FAM228B: variants seen among roughly 807,000 people sequenced by gnomAD.
FAM228B encodes the protein family with sequence similarity 228 member B.
In FAM228B, 38 loss-of-function variants were observed where a neutral mutation model predicts 42.6. The observed-to-expected ratio is 0.89, with a 90% confidence interval of 0.69 to 1.17. FAM228B has a LOEUF of 1.17. Ranked by LOEUF, FAM228B falls within the 50% of genes most tolerant of loss-of-function variation. The pLI, the probability that FAM228B is intolerant of heterozygous loss-of-function variation, is 0.00. For missense variants in FAM228B, 344 were observed against 367.3 expected (o/e 0.94, Z 0.52); for synonymous variants, 109 against 122.3 (o/e 0.89, Z 0.72).
rs1252995604 is a variant in FAM228B at position 24,077,316 on chromosome 2, C to CCT, written c.-290+348_-290+349dup. On this transcript the variant is annotated intron_variant, in intron 1 of 10. Transcript: ENST00000613899. The surrounding 1 kb of genome is among the most constrained non-coding windows in gnomAD (Gnocchi z 5.5). ...TGTAACTATACCCAGAATCTCCGTC[C>CCT]CTGGAGGGGCCCTCAGGTTGAGCGT... 1 of 343,190 alleles carries CCT rather than the reference C, an allele frequency of 2.9e-6. No individual in the cohort carries two copies. Among genetic ancestry groups the CCT allele is most frequent in the African/African-American group, 2.1e-5 (1 of 48,510 alleles). 21.3% of individuals were successfully genotyped at this position (343,190 alleles called of 1,614,324 possible).
intron 3 of FAM228B, among the ~76,000 whole-genome samples, chr2:24,105,261 T>C (rs1462369083): frequency 6.6e-6 from 1 of 152,212 alleles, no homozygotes; most frequent in East Asian, 1.9e-4. Context: ...CTGTGGCCCT[T>C]GCCTAAGGGA....
intron 2 of FAM228B, among the ~76,000 whole-genome samples, chr2:24,131,204 AG>A (rs1394918030): frequency 1.3e-5 from 2 of 152,220 alleles, no homozygotes; most frequent in Non-Finnish European, 2.9e-5. Flanking sequence ...TTTTGGTACC[AG>A]TACCATGCTG....
chr2:24,158,459 C>T (rs534338416), intron 7 of FAM228B, among the ~76,000 whole-genome samples: 2 of 152,170 alleles, frequency 1.3e-5, no homozygotes, highest in South Asian at 2.1e-4. Context: ...AAAGAACCTT[C>T]AATACTAGCT....
rs1180536408 is a variant in FAM228B, at chr2:24,146,818, T to C, written c.512T>C (p.Leu171Pro). 6.5e-7 allele frequency: 1 copy of C among 1,548,622 alleles called. No homozygotes were observed. The highest frequency in any genetic ancestry group is 8.7e-7 in the Non-Finnish European group (1 of 1,144,390). The part of the protein sequence containing the change: ...QYDKDNEKRT[L>P]LQCETGKIYS... The stretch of plus-strand genomic sequence containing the variant: ...GACAAGGATAACGAAAAAAGAACTC[T>C]TCTTCAGTGTGAGACTGGTACTTAG... Residue 171 changes from leucine to proline, a missense_variant, in exon 6 of 11, where the codon CTT (leucine) becomes CCT (proline). Transcript: ENST00000615575.
intron 7 of FAM228B, among the ~76,000 whole-genome samples, chr2:24,149,622 G>C (rs569376546): frequency 6.6e-6 from 1 of 152,000 alleles, no homozygotes; most frequent in Non-Finnish European, 1.5e-5. Context: ...TAGTAGAGAC[G>C]GGGTTTCACC....
chr2:24,145,380 T>A (rs1666869110), intron 5 of FAM228B, among the ~76,000 whole-genome samples: 2 of 152,156 alleles, frequency 1.3e-5, no homozygotes, highest in Admixed American at 1.3e-4. Flanking sequence ...TGTTTGCAGC[T>A]GAAGAAATAT....
intron 2 of FAM228B, among the ~76,000 whole-genome samples, chr2:24,094,587 G>A (rs1296669575): frequency 2.0e-5 from 3 of 151,982 alleles, no homozygotes; most frequent in Non-Finnish European, 4.4e-5. Flanking sequence ...TGAACTCAAG[G>A]AATCCTACCA....
At chr2:24,129,627 G>A (rs1558383698) in intron 2 of FAM228B, among the ~76,000 whole-genome samples, 1 of 151,470 alleles carries the variant, frequency 6.6e-6, no homozygotes, top group Non-Finnish European at 1.5e-5. Flanking sequence ...ACCCATTGAG[G>A]TTTGTTTATT....
intron 7 of FAM228B, among the ~76,000 whole-genome samples, chr2:24,153,372 G>C (rs1667065329): frequency 6.6e-6 from 1 of 152,122 alleles, no homozygotes; most frequent in Non-Finnish European, 1.5e-5. Context: ...GCTGCTGCTG[G>C]TTTTCAGGGC....
chr2:24,121,911 G>T (rs1013385445), upstream of FAM228B, among the ~76,000 whole-genome samples: 5 of 152,180 alleles, frequency 3.3e-5, no homozygotes, highest in Non-Finnish European at 4.4e-5. Context: ...GTAGAACTGT[G>T]AGCCAAATAA....
intron 1 of FAM228B, among the ~76,000 whole-genome samples, chr2:24,078,118 C>T (rs994782994): frequency 4.6e-5 from 7 of 152,142 alleles, no homozygotes; most frequent in Non-Finnish European, 2.9e-5. Context: ...AGACTGGAAA[C>T]GGGGCTGCAA....
intron 2 of FAM228B, among the ~76,000 whole-genome samples, chr2:24,091,358 G>C (rs569409916): frequency 6.6e-6 from 1 of 152,054 alleles, no homozygotes; most frequent in Non-Finnish European, 1.5e-5. Context: ...GCGTGAACCC[G>C]GGAGGCGGAG....
chr2:24,094,966 C>T (rs1167556496), intron 2 of FAM228B, among the ~76,000 whole-genome samples: 2 of 152,090 alleles, frequency 1.3e-5, no homozygotes, highest in African/African-American at 4.8e-5. Context: ...CGTGGTGGCA[C>T]ACACTCATAG....
chr2:24,143,235 C>T (rs1462648157), intron 5 of FAM228B, among the ~76,000 whole-genome samples: 1 of 152,012 alleles, frequency 6.6e-6, no homozygotes, highest in African/African-American at 2.4e-5. Context: ...GGCTGGAGTG[C>T]AGTGGCCCAA....
chr2:24,077,500 G>T lies in FAM228B; in HGVS notation c.-290+531G>T. ...TCTGGAGGAAGCACCGGGTTTCTTG[G>T]CCTGTCTATTGTGAATCTTCTCCAG... On this transcript the variant is annotated intron_variant, in intron 1 of 10. Transcript: ENST00000613899. This position sits in a 1 kb window ranked among gnomAD's most constrained non-coding sequence, Gnocchi z 5.5. The T allele has an allele frequency of 6.9e-7, 1 of 1,455,430 alleles. No homozygotes were observed. The highest frequency in any genetic ancestry group is 9.2e-7 in the Non-Finnish European group (1 of 1,089,144). 90.2% of individuals were successfully genotyped at this position (1,455,430 alleles called of 1,614,324 possible).
chr2:24,157,106 A>G (rs574314661), intron 7 of FAM228B, among the ~76,000 whole-genome samples: 1 of 152,232 alleles, frequency 6.6e-6, no homozygotes, highest in African/African-American at 2.4e-5. Context: ...GGAGCAGGCT[A>G]TTTAGTTTCC....
chr2:24,149,269 G>C (rs4665663), intron 7 of FAM228B, among the ~76,000 whole-genome samples: 88,166 of 152,002 alleles, frequency 0.58, 26,296 homozygotes, highest in East Asian at 0.75. Context: ...TCACGTGGTA[G>C]GTCTATTTTT....
rs968908966 is a variant in FAM228B at position 24,156,779 on chromosome 2, C to G, written c.687-4727C>G. Among the ~76,000 whole-genome samples, 6 of 137,490 alleles carry G rather than the reference C, an allele frequency of 4.4e-5. No individual in the cohort carries two copies. The South Asian group carries it at 8.0e-4, about 18-fold the overall frequency. The allele number at this position is 137,490 out of a possible 152,430, so 90.2% of individuals were successfully genotyped here. A position where few individuals can be genotyped will look rare whatever the true frequency, so the allele number is the denominator to read the frequency against. The stretch of plus-strand genomic sequence containing the variant: ...ACTGTTATACATTTCTTTCCGCCCC[C>G]CCCCCCCCAGCTTTTTGTTTCATTT... On this transcript the variant is annotated intron_variant, in intron 7 of 10. Transcript: ENST00000615575.
Position 24,084,339 on chromosome 2 carries a change from CACAGGGCAGGGCAGGGCAGGACAGG to C in FAM228B, c.-210+3425_-210+3449del, listed in dbSNP as rs762702067. ...GCACGGCTAACATATTGTCTGAGGA[CACAGGGCAGGGCAGGGCAGGACAGG>C]ACAGGGCAGGGCAGGGCAGGACAGG... On this transcript the variant is annotated intron_variant, in intron 2 of 10. Transcript: ENST00000613899. The surrounding 1 kb of genome is among the most constrained non-coding windows in gnomAD (Gnocchi z 8.4). The C allele has an allele frequency of 0.03, 48,556 of 1,602,144 alleles. 2,765 individuals are homozygous for C. Among genetic ancestry groups the C allele is most frequent in the East Asian group, 0.054 (2,412 of 44,760 alleles).
Sources: allele counts gnomAD v4.1 joint callset (sites outside exome capture counted in the v4.1 genomes callset), GRCh38; gene constraint gnomAD v4.1.1; non-coding constraint Gnocchi (gnomAD v3.1); transcripts MANE v1.5; gene names NCBI Gene and HGNC (gene_info 2026-07-23, HGNC 2026-07-21).